Variants in MALRD1 observed in about 807,000 individuals in gnomAD.
MALRD1 encodes the protein MAM and LDL receptor class A domain containing 1.
A neutral mutation model predicts 242.1 loss-of-function variants in MALRD1; 247 were observed. That is an observed-to-expected ratio of 1.02 (90% CI 0.92 to 1.13). The LOEUF (loss-of-function observed/expected upper bound fraction) is 1.13. MALRD1 is among the 50% of genes most tolerant of loss of function. The pLI, the probability that MALRD1 is intolerant of heterozygous loss-of-function variation, is 0.00. For missense variants in MALRD1, 2,989 were observed against 2,533.1 expected (o/e 1.18, Z -3.86); for synonymous variants, 995 against 866.6 (o/e 1.15, Z -2.60).
chr10:19,097,431 A>G (rs563540059), intron 4 of MALRD1, among the ~76,000 whole-genome samples: 7 of 152,354 alleles, frequency 4.6e-5, no homozygotes, highest in African/African-American at 1.7e-4. Flanking sequence ...TAAAACAACA[A>G]TTTTAGGCAT....
At chr10:19,592,509 G>T (rs536216920) in intron 33 of MALRD1, among the ~76,000 whole-genome samples, 1 of 152,282 alleles carries the variant, frequency 6.6e-6, no homozygotes, top group South Asian at 2.1e-4. Flanking sequence ...CCAGGAGCTG[G>T]GGGAATGAAC....
intron 28 of MALRD1, among the ~76,000 whole-genome samples, chr10:19,430,425 T>C (rs1420170449): frequency 6.6e-6 from 1 of 151,982 alleles, no homozygotes; most frequent in Non-Finnish European, 1.5e-5. Flanking sequence ...CTCCTCATTT[T>C]CTTTATGCTC....
At chr10:19,066,366 G>A (rs1429509215) in intron 1 of MALRD1, among the ~76,000 whole-genome samples, 3 of 152,156 alleles carry the variant, frequency 2.0e-5, no homozygotes, top group Non-Finnish European at 4.4e-5. Context: ...AGAGACACAG[G>A]ACAGGATGTT....
chr10:19,373,329 C>G (rs547818049), intron 26 of MALRD1, among the ~76,000 whole-genome samples: 2 of 151,472 alleles, frequency 1.3e-5, no homozygotes, highest in African/African-American at 4.9e-5. Flanking sequence ...GGTGAAACCC[C>G]GTCTCTACTA....
chr10:19,267,401 A>T (rs1840015025), intron 19 of MALRD1, among the ~76,000 whole-genome samples: 1 of 152,166 alleles, frequency 6.6e-6, no homozygotes, highest in South Asian at 2.1e-4. Flanking sequence ...AATTTTTATG[A>T]TGTCCTCCCC....
chr10:19,474,508 A>C (rs1383893559), intron 29 of MALRD1, among the ~76,000 whole-genome samples: 1 of 152,124 alleles, frequency 6.6e-6, no homozygotes, highest in Admixed American at 6.6e-5. Flanking sequence ...ACATTTCGAC[A>C]CAGTCTGTTG....
chr10:19,405,987 T>C (rs1488378966), intron 28 of MALRD1, among the ~76,000 whole-genome samples: 3 of 152,214 alleles, frequency 2.0e-5, no homozygotes, highest in South Asian at 2.1e-4. Context: ...TCACTGGTCA[T>C]GTAGCTGGAG....
intron 28 of MALRD1, among the ~76,000 whole-genome samples, chr10:19,410,864 T>A (rs998031849): frequency 1.3e-5 from 2 of 152,206 alleles, no homozygotes; most frequent in Admixed American, 1.3e-4. Flanking sequence ...TGAATTTGTG[T>A]ACAAGAACAT....
intron 19 of MALRD1, among the ~76,000 whole-genome samples, chr10:19,275,471 A>T (rs1020256547): frequency 6.6e-6 from 1 of 152,154 alleles, no homozygotes; most frequent in South Asian, 2.1e-4. Flanking sequence ...GATCAAGACC[A>T]TCCTGGTTAA....
At chr10:19,729,069 C>T (rs894610648) in intron 38 of MALRD1, among the ~76,000 whole-genome samples, 4 of 152,122 alleles carry the variant, frequency 2.6e-5, no homozygotes, top group African/African-American at 4.8e-5. Context: ...AATGTACCCG[C>T]GGTGAGGGTG....
At chr10:19,482,652 TAC>T (rs144094060) in intron 29 of MALRD1, among the ~76,000 whole-genome samples, 9,153 of 136,364 alleles carry the variant, frequency 0.067, 384 homozygotes, top group African/African-American at 0.14. Context: ...TTACAATAGC[TAC>T]ACACACACAC....
chr10:19,422,946 A>G (rs1035737628), intron 28 of MALRD1, among the ~76,000 whole-genome samples: 3 of 152,168 alleles, frequency 2.0e-5, no homozygotes, highest in African/African-American at 7.2e-5. Flanking sequence ...AGGCTCTGGT[A>G]TCTCTTGTAC....
At chr10:19,415,673 G>A (rs1252615926) in intron 28 of MALRD1, among the ~76,000 whole-genome samples, 1 of 152,102 alleles carries the variant, frequency 6.6e-6, no homozygotes, top group Admixed American at 6.6e-5. Context: ...CTAGAGAATA[G>A]ATGATTTCTA....
At chr10:19,059,462 A>G (rs543632049) in intron 1 of MALRD1, among the ~76,000 whole-genome samples, 11 of 152,202 alleles carry the variant, frequency 7.2e-5, no homozygotes, top group Middle Eastern at 6.8e-3. Flanking sequence ...ATCTCGGCTC[A>G]CTGCAACCTC....
intron 18 of MALRD1, among the ~76,000 whole-genome samples, chr10:19,226,013 G>A (rs890721380): frequency 5.3e-5 from 8 of 152,112 alleles, no homozygotes; most frequent in South Asian, 2.1e-4. Context: ...GATGTTTTAC[G>A]TGGATTCTCT....
chr10:19,695,693 A>G (rs1031378655), intron 38 of MALRD1, among the ~76,000 whole-genome samples: 2 of 151,304 alleles, frequency 1.3e-5, no homozygotes, highest in African/African-American at 4.9e-5. Context: ...CTAATTTTTT[A>G]TTTTTTATTT....
intron 36 of MALRD1, among the ~76,000 whole-genome samples, chr10:19,666,323 C>T (rs1479017567): frequency 6.6e-6 from 1 of 152,116 alleles, no homozygotes; most frequent in East Asian, 1.9e-4. Flanking sequence ...CAGATCTTTT[C>T]ATTCTTTTTG....
At chr10:19,280,684 A>G (rs72796455) in intron 20 of MALRD1, among the ~76,000 whole-genome samples, 1 of 152,116 alleles carries the variant, frequency 6.6e-6, no homozygotes, top group Non-Finnish European at 1.5e-5. Flanking sequence ...CTTAATGCAA[A>G]TGAGACCTTT....
chr10:19,520,262 A>T (rs750341514), intron 31 of MALRD1, among the ~76,000 whole-genome samples: 1 of 152,112 alleles, frequency 6.6e-6, no homozygotes, highest in Non-Finnish European at 1.5e-5. Context: ...ACATCCCAAA[A>T]TGTATAAAAC....
Sources: gnomAD v4.1 joint callset for allele counts (sites outside exome capture counted in the v4.1 genomes callset) on GRCh38, gnomAD v4.1.1 for gene constraint, MANE v1.5 for transcripts, NCBI Gene and HGNC (gene_info 2026-07-23, HGNC 2026-07-21) for gene names.